The following PTPRN2 variants were observed in gnomAD, a reference collection of about 807,000 sequenced individuals.
PTPRN2 encodes the protein protein tyrosine phosphatase receptor type N2, also known as receptor-type tyrosine-protein phosphatase N2.
Under a neutral mutation model 118.8 loss-of-function variants are expected in PTPRN2, and 74 were observed. The observed-to-expected ratio is 0.62, with a 90% CI of 0.52 to 0.76. PTPRN2 has a LOEUF of 0.76. Among genes scored for constraint, PTPRN2 ranks in the 30% least tolerant of loss-of-function variants. PTPRN2 has a pLI of 0.00. For missense variants in PTPRN2, 1,481 were observed against 1,394.4 expected (o/e 1.06, Z -0.99); for synonymous variants, 641 against 608.0 (o/e 1.05, Z -0.80).
chr7:157,553,370 T>G (rs1360941005), intron 21 of PTPRN2, among the ~76,000 whole-genome samples: 1 of 152,184 alleles, frequency 6.6e-6, no homozygotes, highest in Non-Finnish European at 1.5e-5. Flanking sequence ...GCCGGAGCCA[T>G]GAAGCCGTCA....
intron 2 of PTPRN2, among the ~76,000 whole-genome samples, chr7:158,417,163 A>G (rs1260039127): frequency 1.3e-5 from 2 of 151,790 alleles, no homozygotes; most frequent in Non-Finnish European, 2.9e-5. Flanking sequence ...AGTGTACTAC[A>G]TTGAGATGCT....
rs797017780 is a variant in PTPRN2, at chr7:157,681,101, G to GT, written c.2001+1623dup. ...CCTAAGTATGCATTTTCAACCTGCAGTTTTTTTTTCAAATTAGTCATTTCT... is the reference window on the plus strand; with the variant it reads ...CCTAAGTATGCATTTTCAACCTGCAGTTTTTTTTTTCAAATTAGTCATTTCT... On this transcript the variant is annotated intron_variant, in intron 13 of 22. Coordinates refer to ENST00000389418, the MANE Select transcript of PTPRN2 (RefSeq NM_002847.5). Among the ~76,000 whole-genome samples, 15 of 151,026 alleles carry GT rather than the reference G, an allele frequency of 9.9e-5. No homozygotes were observed. In the East Asian group the frequency reaches 1.6e-3, roughly 16 times the overall value.
At chr7:158,150,722 T>G (rs759509036) in intron 6 of PTPRN2, among the ~76,000 whole-genome samples, 1 of 151,980 alleles carries the variant, frequency 6.6e-6, no homozygotes, top group Non-Finnish European at 1.5e-5. Flanking sequence ...GTGATCATGG[T>G]GATCTGCAAA....
chr7:158,534,673 C>T (rs562964611), intron 1 of PTPRN2, among the ~76,000 whole-genome samples: 7 of 152,334 alleles, frequency 4.6e-5, no homozygotes, highest in South Asian at 4.1e-4. Context: ...AAGCTCCCCC[C>T]ATCACCCAGG....
chr7:158,366,087 A>ATG (rs1809477189), intron 2 of PTPRN2, among the ~76,000 whole-genome samples: 1 of 138,290 alleles, frequency 7.2e-6, no homozygotes, highest in Non-Finnish European at 1.5e-5. Flanking sequence ...ACACACGCAC[A>ATG]CACACACAGC....
intron 5 of PTPRN2, among the ~76,000 whole-genome samples, chr7:158,171,121 TATATACAC>T (rs1394141536): frequency 0.019 from 1,894 of 99,808 alleles, 114 homozygotes; most frequent in African/African-American, 0.058. Flanking sequence ...TATACACACA[TATATACAC>T]ATATATACAC....
chr7:158,580,793 C>T (rs553192097), intron 1 of PTPRN2, among the ~76,000 whole-genome samples: 12 of 152,138 alleles, frequency 7.9e-5, no homozygotes, highest in African/African-American at 1.7e-4. Flanking sequence ...AGAAAGCATT[C>T]GGAACATAAA....
chr7:157,871,991 T>C, intron 12 of PTPRN2, among the ~76,000 whole-genome samples: 1 of 91,756 alleles, frequency 1.1e-5, no homozygotes, highest in Non-Finnish European at 2.2e-5. Context: ...CCCAGTGTCC[T>C]CCCCACACAC....
rs561044727 is a variant in PTPRN2, at chr7:157,901,197, C to T, written c.1724-2460G>A. Among the ~76,000 whole-genome samples the T allele has an allele frequency of 2.0e-4, 31 of 152,340 alleles. 1 individual carries two copies. The South Asian group carries it at 5.8e-3, about 29-fold the overall frequency. ...GAGCGAGAAGTCGCTCACCTCCACC[C>T]TGGGAGGGCATGAATCCATTCACGA... is the stretch of plus-strand genomic sequence containing the variant. On this transcript the variant is annotated intron_variant, in intron 11 of 22. Transcript: ENST00000389418.
intron 2 of PTPRN2, among the ~76,000 whole-genome samples, chr7:158,340,660 C>T (rs62481714): frequency 0.49 from 38,783 of 79,712 alleles, 3,783 homozygotes; most frequent in Non-Finnish European, 0.5. Context: ...CGCCCGCAGA[C>T]GTCACTCACA....
intron 3 of PTPRN2, among the ~76,000 whole-genome samples, chr7:158,295,216 G>C (rs34845049): frequency 3.5e-5 from 2 of 57,724 alleles, no homozygotes; most frequent in Admixed American, 1.7e-4. Flanking sequence ...AAGCCCATGG[G>C]GCCCGCTGAC....
In PTPRN2 at chr7:157,540,744, C is replaced by T. The variant is rs2116928395; in HGVS notation, c.3018G>A (p.Val1006=). The T allele has an allele frequency of 2.6e-6, 4 of 1,568,084 alleles. No homozygotes were observed. In the East Asian group the frequency reaches 9.5e-5, roughly 37 times the overall value. ...GGGGAAGGGCCTTGAGGATGGCGTT[C>T]ACCTCCTCAGCCACGGCTGTCAGCG... ...EFALTAVAEE[V]NAILKALPQ Residue 1006 remains valine, a synonymous_variant, in exon 23 of 23, where the codon GTG becomes GTA. Transcript: ENST00000389418.
At chr7:158,341,361 C>A (rs1195409420) in intron 2 of PTPRN2, among the ~76,000 whole-genome samples, 2 of 151,324 alleles carry the variant, frequency 1.3e-5, no homozygotes, top group South Asian at 2.1e-4. Context: ...AGAGGTAACA[C>A]ATGCAGACGT....
chr7:158,244,649 TTTTG>T, intron 3 of PTPRN2, among the ~76,000 whole-genome samples: 1 of 145,672 alleles, frequency 6.9e-6, no homozygotes, highest in Non-Finnish European at 1.5e-5. Context: ...CTTGTGATTG[TTTTG>T]TGTGTCAGTT....
intron 14 of PTPRN2, among the ~76,000 whole-genome samples, chr7:157,635,699 T>C (rs1005319767): frequency 1.3e-5 from 2 of 152,226 alleles, no homozygotes; most frequent in Admixed American, 6.5e-5. Flanking sequence ...AATTTTCTCC[T>C]ATATTTTATT....
intron 11 of PTPRN2, among the ~76,000 whole-genome samples, chr7:157,985,600 A>G (rs1803722054): frequency 6.6e-6 from 1 of 152,218 alleles, no homozygotes; most frequent in African/African-American, 2.4e-5. Flanking sequence ...CTGCTTGGAG[A>G]CTATACGGAT....
At position 158,530,982 on chromosome 7, in the gene PTPRN2, A is replaced by C. The variant is rs116127444; in HGVS notation, c.113-41197T>G. Reference sequence around the variant, plus strand: ...TGTGTACGGATGTATCTGTATGCGGATGTGTGTGGCCACATGTATGTATAT... The same window carrying C: ...TGTGTACGGATGTATCTGTATGCGGCTGTGTGTGGCCACATGTATGTATAT... On this transcript the variant is annotated intron_variant, in intron 1 of 22. Transcript: ENST00000389418. Among the ~76,000 whole-genome samples, 1,072 of 152,198 alleles carry C rather than the reference A, an allele frequency of 7.0e-3. 17 individuals carry two copies. The highest frequency in any genetic ancestry group is 0.025 in the African/African-American group (1,027 of 41,516).
At chr7:158,444,118 C>G (rs1173277949) in intron 2 of PTPRN2, among the ~76,000 whole-genome samples, 6 of 152,238 alleles carry the variant, frequency 3.9e-5, no homozygotes, top group African/African-American at 1.4e-4. Flanking sequence ...CCACTCACCC[C>G]TCCAACAGGC....
intron 12 of PTPRN2, among the ~76,000 whole-genome samples, chr7:157,782,309 G>A (rs1320454527): frequency 2.0e-5 from 3 of 152,260 alleles, no homozygotes; most frequent in Admixed American, 2.0e-4. Context: ...TCTGGACTCA[G>A]GCATCCGAGA....
Sources: gnomAD v4.1 joint callset for allele counts (sites outside exome capture counted in the v4.1 genomes callset) on GRCh38, gnomAD v4.1.1 for gene constraint, MANE v1.5 for transcripts, NCBI Gene and HGNC (gene_info 2026-07-23, HGNC 2026-07-21) for gene names.